BRF1: variants seen among roughly 807,000 people sequenced by gnomAD.
BRF1 encodes the protein transcription factor IIIB 90 kDa subunit.
In BRF1, 59 loss-of-function variants were observed where a neutral mutation model predicts 81.7. That is an observed-to-expected ratio of 0.72 (90% CI 0.59 to 0.90). The LOEUF is 0.90. BRF1 is among the 40% of genes least tolerant of loss of function. The pLI is 0.00. For missense variants in BRF1, 1,050 were observed against 936.3 expected (o/e 1.12, Z -1.58); for synonymous variants, 491 against 395.6 (o/e 1.24, Z -2.86).
At chr14:105,302,943 CT>C (rs60827892), upstream of BRF1, among the ~76,000 whole-genome samples, 45,283 of 146,564 alleles carry the variant, frequency 0.31, 7,110 homozygotes, top group African/African-American at 0.39. Flanking sequence ...TTCTCTAGTT[CT>C]TTTTTTTTTT....
chr14:105,229,480 G>C (rs931326511), intron 6 of BRF1, among the ~76,000 whole-genome samples: 41 of 152,338 alleles, frequency 2.7e-4, no homozygotes, highest in African/African-American at 9.1e-4. Context: ...CGGATGAGGA[G>C]TGAGGGCCCT....
At chr14:105,280,013 T>C (rs1172827438) in intron 2 of BRF1, among the ~76,000 whole-genome samples, 1 of 152,166 alleles carries the variant, frequency 6.6e-6, no homozygotes, top group Admixed American at 6.5e-5. Flanking sequence ...TCAGGTGCTT[T>C]GGAAAAGGGT....
chr14:105,299,842 C>T (rs1359357806), intron 1 of BRF1, among the ~76,000 whole-genome samples: 2 of 152,264 alleles, frequency 1.3e-5, no homozygotes, highest in African/African-American at 4.8e-5. Context: ...CATAGAGTTA[C>T]ACATACAGCT....
At chr14:105,217,462 G>C (rs1018121081) in intron 15 of BRF1, 82 bp downstream of exon 15, 1 of 1,555,930 alleles carries the variant, frequency 6.4e-7, no homozygotes, top group Non-Finnish European at 8.7e-7. Context: ...GCTGGCCCCC[G>C]GCAGCTCCAG....
intron 1 of BRF1, among the ~76,000 whole-genome samples, chr14:105,286,901 C>A (rs748225442): frequency 6.6e-5 from 10 of 152,250 alleles, no homozygotes; most frequent in Non-Finnish European, 1.0e-4. Context: ...GGTGCACACA[C>A]AGCATGGGCT....
intron 5 of BRF1, chr14:105,249,250 G>C (rs966289136): frequency 1.3e-6 from 2 of 1,569,578 alleles, no homozygotes; most frequent in African/African-American, 2.7e-5. Context: ...CCCACAAGGT[G>C]GGTAGCGGCG....
Position 105,315,075 on chromosome 14 carries a change from C to A in BRF1, c.-162+247G>T. The stretch of plus-strand genomic sequence containing the variant: ...CGCCGCGCTTTGTTCCCGCCGGGCA[C>A]CTGCTGGGGGTGTCCTGGCCGCGGC... On this transcript the variant is annotated intron_variant, in intron 1 of 17. Transcript: ENST00000327359. This position sits in a 1 kb window ranked among gnomAD's most constrained non-coding sequence, Gnocchi z 4.4. The A allele has an allele frequency of 9.0e-7, 1 of 1,116,576 alleles. No homozygotes were observed. Among genetic ancestry groups the A allele is most frequent in the Middle Eastern group, 3.9e-4 (1 of 2,596 alleles). 69.2% of individuals were successfully genotyped at this position (1,116,576 alleles called of 1,614,324 possible).
At chr14:105,299,089 C>T (rs989025557) in intron 1 of BRF1, among the ~76,000 whole-genome samples, 11 of 152,030 alleles carry the variant, frequency 7.2e-5, no homozygotes, top group Admixed American at 4.6e-4. Context: ...AGGAGAATGG[C>T]GTGAGCCTGG....
At position 105,269,024 on chromosome 14, in the gene BRF1, G is replaced by A. The variant is rs1480712789; in HGVS notation, c.439+3697C>T. Among the ~76,000 whole-genome samples the A allele has an allele frequency of 1.3e-5, 2 of 152,210 alleles. No homozygotes were observed. Among genetic ancestry groups the A allele is most frequent in the African/African-American group, 4.8e-5 (2 of 41,462 alleles). ...GGGGCTGCAGGAGGCGAGGACAGTG[G>A]CCAGAGCCAATGCAGGTCAGCAGGG... On this transcript the variant is annotated intron_variant, in intron 3 of 17. Coordinates refer to ENST00000547530, the MANE Select transcript of BRF1 (RefSeq NM_001519.4). The surrounding 1 kb of genome is among the most constrained non-coding windows in gnomAD (Gnocchi z 5.0).
At chr14:105,292,544 G>C (rs1015207921) in intron 1 of BRF1, among the ~76,000 whole-genome samples, 4 of 152,312 alleles carry the variant, frequency 2.6e-5, no homozygotes, top group East Asian at 3.9e-4. Flanking sequence ...ACACCTGTAG[G>C]AGGCCTGGCT....
intron 1 of BRF1, among the ~76,000 whole-genome samples, chr14:105,312,620 TCTC>T (rs149862484): frequency 0.016 from 2,374 of 152,246 alleles, 80 homozygotes; most frequent in African/African-American, 0.055. Flanking sequence ...CTTCAGGGGA[TCTC>T]CTCCTGTGAC....
intron 3 of BRF1, among the ~76,000 whole-genome samples, chr14:105,262,003 G>T (rs2056182276): frequency 6.6e-6 from 1 of 152,238 alleles, no homozygotes; most frequent in African/African-American, 2.4e-5. Flanking sequence ...ACACGGCCCG[G>T]CCGAAGCTCC....
rs1050865828 is a variant in BRF1 at position 105,269,389 on chromosome 14, T to C, written c.439+3332A>G. ...AGTCCTGTTCCAAGCTGTCTTGTCC[T>C]TAGCAGCTTTATAAGGTACAAGTTT... On this transcript the variant is annotated intron_variant, in intron 3 of 17. Coordinates refer to ENST00000547530, the MANE Select transcript of BRF1 (RefSeq NM_001519.4). This position sits in a 1 kb window ranked among gnomAD's most constrained non-coding sequence, Gnocchi z 5.0. Among the ~76,000 whole-genome samples the C allele has an allele frequency of 2.6e-5, 4 of 152,156 alleles. No individual in the cohort carries two copies. The highest frequency in any genetic ancestry group is 4.4e-5 in the Non-Finnish European group (3 of 68,010).
intron 4 of BRF1, among the ~76,000 whole-genome samples, chr14:105,254,973 G>A (rs189760635): frequency 8.6e-4 from 131 of 152,104 alleles, no homozygotes; most frequent in African/African-American, 2.9e-3. Flanking sequence ...GTCAGGGTGG[G>A]GCACAGCCAG....
intron 2 of BRF1, among the ~76,000 whole-genome samples, chr14:105,278,200 C>A (rs1392970377): frequency 1.3e-5 from 2 of 152,112 alleles, no homozygotes; most frequent in Admixed American, 6.5e-5. Context: ...CTGTAGTAAT[C>A]CCAGCACTTC....
intron 1 of BRF1, among the ~76,000 whole-genome samples, chr14:105,311,134 A>C (rs980595039): frequency 6.6e-6 from 1 of 151,428 alleles, no homozygotes; most frequent in Non-Finnish European, 1.5e-5. Flanking sequence ...TTGTATTTTT[A>C]GTAGAGATGG....
chr14:105,275,444 G>A (rs79713454), intron 2 of BRF1, among the ~76,000 whole-genome samples: 88 of 152,352 alleles, frequency 5.8e-4, no homozygotes, highest in African/African-American at 2.1e-3. Flanking sequence ...AAAGGGCATC[G>A]TGCCAGCTGC....
chr14:105,211,987 G>T, intron 16 of BRF1, 126 bp downstream of exon 16: 1 of 1,377,152 alleles, frequency 7.3e-7, no homozygotes. Context: ...GGCAAGTATG[G>T]GGCAGCAGGG....
At chr14:105,267,683 TTC>T (rs2056481152) in intron 3 of BRF1, among the ~76,000 whole-genome samples, 5 of 152,140 alleles carry the variant, frequency 3.3e-5, no homozygotes, top group African/African-American at 1.2e-4. Flanking sequence ...TCCTAATACC[TTC>T]TTCTGACCAC....
Sources: gnomAD v4.1 joint callset for allele counts (sites outside exome capture counted in the v4.1 genomes callset) on GRCh38, gnomAD v4.1.1 for gene constraint, Gnocchi (gnomAD v3.1) non-coding constraint, MANE v1.5 for transcripts, NCBI Gene and HGNC (gene_info 2026-07-23, HGNC 2026-07-21) for gene names.